The following PRAG1 variants were observed in gnomAD, a reference collection of about 807,000 sequenced individuals.
PRAG1 encodes inactive tyrosine-protein kinase PRAG1.
Under a neutral mutation model 95.6 loss-of-function variants are expected in PRAG1, and 110 were observed. The ratio of observed to expected loss-of-function variants is 1.15; its 90% CI spans 0.99 to 1.35. The LOEUF is 1.35. PRAG1 is among the 40% of genes most tolerant of loss of function. PRAG1 has a pLI of 0.00. For synonymous variants in PRAG1, 1,052 were observed against 819.4 expected, an observed-to-expected ratio of 1.28 and a Z score of -4.85; for missense variants, 2,554 against 1,864.7, an observed-to-expected ratio of 1.37 and a Z score of -6.81.
chr8:8,381,393 TACC>T, intron 2 of PRAG1, 22 bp downstream of exon 2: 1 of 1,582,798 alleles, frequency 6.3e-7, no homozygotes, highest in South Asian at 1.1e-5. Context: ...CCTGTAAAAA[TACC>T]ACGAGTGTTA....
chr8:8,360,582 T>C (rs148451675), intron 3 of PRAG1, among the ~76,000 whole-genome samples: 4,175 of 152,360 alleles, frequency 0.027, 99 homozygotes, highest in Middle Eastern at 0.051. Context: ...AACTCCTCTA[T>C]TGACTTATTC....
chr8:8,373,508 G>A (rs1299273590), intron 3 of PRAG1, among the ~76,000 whole-genome samples: 9 of 145,538 alleles, frequency 6.2e-5, no homozygotes, highest in Non-Finnish European at 1.3e-4. Flanking sequence ...GGAGTACAGT[G>A]GCACAATCAT....
At chr8:8,336,932 T>C (rs1451379060) in intron 4 of PRAG1, among the ~76,000 whole-genome samples, 1 of 73,408 alleles carries the variant, frequency 1.4e-5, no homozygotes, top group African/African-American at 5.8e-5. Flanking sequence ...ACCTCCGACA[T>C]AAAGCATGAA....
chr8:8,361,522 C>T (rs1320376664), intron 3 of PRAG1, among the ~76,000 whole-genome samples: 1 of 152,164 alleles, frequency 6.6e-6, no homozygotes, highest in Admixed American at 6.5e-5. Flanking sequence ...CAATCTCTGA[C>T]TCTTCCTTGT....
chr8:8,375,539 A>G (rs1407785058), intron 3 of PRAG1, among the ~76,000 whole-genome samples: 1 of 151,904 alleles, frequency 6.6e-6, no homozygotes, highest in Non-Finnish European at 1.5e-5. Context: ...AGGGTTCCTA[A>G]CCACATGTAA....
chr8:8,318,463 T>A lies in PRAG1; in HGVS notation c.3912A>T (p.Ala1304=), dbSNP rs898758601. ...TGGGGTCGGCCTCCAGTAGCAGATG[T>A]GCCAGCTGCTGCAGGCCGGGTGAGT... The part of the protein sequence containing the change: ...SLYSPGLQQL[A]HLLLEADPIK... Residue 1304 remains alanine, a synonymous_variant, in exon 6 of 6, where the codon GCA becomes GCT. Coordinates refer to ENST00000615670, the MANE Select transcript of PRAG1 (RefSeq NM_001080826.3). This position sits in a 1 kb window ranked among gnomAD's most constrained non-coding sequence, Gnocchi z 4.2. 2 of 1,612,206 alleles carry A rather than the reference T, an allele frequency of 1.2e-6. No homozygotes were observed. Among genetic ancestry groups the A allele is most frequent in the Admixed American group, 1.7e-5 (1 of 59,982 alleles).
intron 5 of PRAG1, among the ~76,000 whole-genome samples, chr8:8,321,331 C>T (rs1798465814): frequency 6.6e-6 from 1 of 152,206 alleles, no homozygotes; most frequent in African/African-American, 2.4e-5. Flanking sequence ...GTGATCCTCC[C>T]ACCTCGGCCT....
chr8:8,339,667 A>T (rs975169561), intron 3 of PRAG1, 32 bp from the exon 4 acceptor site: 2 of 1,584,038 alleles, frequency 1.3e-6, no homozygotes, highest in Non-Finnish European at 1.7e-6. Flanking sequence ...AATACAAATA[A>T]CTCATTGGAT....
At chr8:8,371,427 A>ATT (rs1287352891) in intron 3 of PRAG1, among the ~76,000 whole-genome samples, 1 of 151,752 alleles carries the variant, frequency 6.6e-6, no homozygotes, top group Non-Finnish European at 1.5e-5. Context: ...CGCCTGGCTA[A>ATT]TTTTTTGTAT....
At chr8:8,354,783 A>G (rs1007035966) in intron 3 of PRAG1, among the ~76,000 whole-genome samples, 4 of 152,166 alleles carry the variant, frequency 2.6e-5, no homozygotes, top group African/African-American at 9.6e-5. Flanking sequence ...TCAACATAAT[A>G]AAGGCCATTT....
At position 8,376,895 on chromosome 8, in the gene PRAG1, G is replaced by A. The variant is rs758269378; in HGVS notation, c.1514C>T (p.Pro505Leu). The change falls in exon 3 of 6, where the codon CCT becomes CTT. Residue 505 changes from proline (P) to leucine (L), a missense_variant. Physicochemically the swap from Pro to Leu is moderately conservative, Grantham distance 98. Coordinates refer to ENST00000615670, the MANE Select transcript of PRAG1 (RefSeq NM_001080826.3). ...ACCTACCTCGGAGTTCTGGCTCACAGGCCCTCGTGGCCACTGCACCCCCAC... is the reference window on the plus strand; with the variant it reads ...ACCTACCTCGGAGTTCTGGCTCACAAGCCCTCGTGGCCACTGCACCCCCAC... Reference protein sequence around the residue: ...SAVGVQWPRGPVSQNSEVGEE... With the variant: ...SAVGVQWPRGLVSQNSEVGEE... 1.2e-6 allele frequency: 2 copies of A among 1,613,278 alleles called. No individual in the cohort carries two copies. Among genetic ancestry groups the A allele is most frequent in the Non-Finnish European group, 8.5e-7 (1 of 1,180,016 alleles).
intron 3 of PRAG1, among the ~76,000 whole-genome samples, chr8:8,370,267 G>A (rs1391107644): frequency 1.3e-5 from 2 of 152,328 alleles, no homozygotes; most frequent in East Asian, 3.9e-4. Context: ...ATGGAAACAG[G>A]CCAACTATGA....
chr8:8,348,611 C>G (rs999969107), intron 3 of PRAG1, among the ~76,000 whole-genome samples: 1 of 152,246 alleles, frequency 6.6e-6, no homozygotes, highest in African/African-American at 2.4e-5. Context: ...CTTCTCCTAA[C>G]TGTGGCTCAG....
At chr8:8,331,162 G>A (rs1420730802) in intron 4 of PRAG1, among the ~76,000 whole-genome samples, 3 of 152,260 alleles carry the variant, frequency 2.0e-5, no homozygotes, top group Admixed American at 6.5e-5. Context: ...CTACGGTCAG[G>A]ATTCCTTCCC....
Position 8,338,556 on chromosome 8 carries a change from C to T in PRAG1, c.2320+922G>A, listed in dbSNP as rs141199203. On this transcript the variant is annotated intron_variant, in intron 4 of 5. Coordinates refer to ENST00000615670, the MANE Select transcript of PRAG1 (RefSeq NM_001080826.3). Reference sequence around the variant, plus strand: ...AAGAAAATCTGTTGTTGCTACATTCCTCCCAAATCAAGACTAAGATATTTC... The same window carrying T: ...AAGAAAATCTGTTGTTGCTACATTCTTCCCAAATCAAGACTAAGATATTTC... 5.0e-3 allele frequency among the ~76,000 whole-genome samples: 766 copies of T among 152,324 alleles called. 5 individuals carry two copies. Among genetic ancestry groups the T allele is most frequent in the African/African-American group, 0.017 (719 of 41,570 alleles).
At chr8:8,371,776 G>C (rs1005331782) in intron 3 of PRAG1, among the ~76,000 whole-genome samples, 1 of 152,126 alleles carries the variant, frequency 6.6e-6, no homozygotes, top group Non-Finnish European at 1.5e-5. Flanking sequence ...AGGCTGGGGT[G>C]AGAGGATCAC....
intron 3 of PRAG1, among the ~76,000 whole-genome samples, chr8:8,356,063 C>T (rs1178973036): frequency 6.6e-6 from 1 of 152,180 alleles, no homozygotes; most frequent in East Asian, 1.9e-4. Context: ...ATGAAGAATT[C>T]TTACAACTCA....
At chr8:8,384,817 G>T (rs1301378571) in intron 1 of PRAG1, among the ~76,000 whole-genome samples, 1 of 152,124 alleles carries the variant, frequency 6.6e-6, no homozygotes, top group East Asian at 1.9e-4. Flanking sequence ...AGGGGAGGCA[G>T]CCCCCAGAAT....
chr8:8,375,696 T>C (rs952213724), intron 3 of PRAG1, among the ~76,000 whole-genome samples: 1 of 152,178 alleles, frequency 6.6e-6, no homozygotes, highest in African/African-American at 2.4e-5. Flanking sequence ...AATGTTATTA[T>C]TTAAAGAAAA....
Sources: allele counts gnomAD v4.1 joint callset (sites outside exome capture counted in the v4.1 genomes callset), GRCh38; gene constraint gnomAD v4.1.1; non-coding constraint Gnocchi (gnomAD v3.1); transcripts MANE v1.5; gene names NCBI Gene and HGNC (gene_info 2026-07-23, HGNC 2026-07-21).